The following PRKN variants were observed in gnomAD, a reference collection of about 807,000 sequenced individuals.
PRKN encodes the protein parkin RBR E3 ubiquitin protein ligase, also known as E3 ubiquitin-protein ligase parkin.
PRKN carries 56 observed loss-of-function variants against 59.5 expected under a neutral mutation model. The observed-to-expected ratio is 0.94, with a 90% CI of 0.76 to 1.18. The LOEUF (loss-of-function observed/expected upper bound fraction) is 1.18. Among genes scored for constraint, PRKN ranks in the 50% most tolerant of loss-of-function variants. The pLI, the probability that PRKN is intolerant of heterozygous loss-of-function variation, is 0.00. For synonymous variants in PRKN, 250 were observed against 222.1 expected, an observed-to-expected ratio of 1.13 and a Z score of -1.12; for missense variants, 657 against 596.4, an observed-to-expected ratio of 1.10 and a Z score of -1.06.
rs1458445342 is a variant in PRKN, at chr6:161,593,986, C to T, written c.872-24570G>A. The stretch of plus-strand genomic sequence containing the variant: ...CCAACATAGTGAAACCCCATCTCTA[C>T]TAAAAAAAAAAAACAAAAAACAAAA... On this transcript the variant is annotated intron_variant, in intron 7 of 11. Coordinates refer to ENST00000366898, the MANE Select transcript of PRKN (RefSeq NM_004562.3). This position sits in a 1 kb window ranked among gnomAD's most constrained non-coding sequence, Gnocchi z 4.8. Among the ~76,000 whole-genome samples the T allele has an allele frequency of 1.4e-5, 2 of 147,502 alleles. No individual in the cohort carries two copies. Among genetic ancestry groups the T allele is most frequent in the South Asian group, 4.2e-4 (2 of 4,716 alleles).
At chr6:162,404,368 AG>A (rs200616215) in intron 2 of PRKN, among the ~76,000 whole-genome samples, 20 of 122,296 alleles carry the variant, frequency 1.6e-4, no homozygotes, top group South Asian at 1.4e-3. Flanking sequence ...AGACTCTGTC[AG>A]AAAAAAAAAA....
intron 1 of PRKN, among the ~76,000 whole-genome samples, chr6:162,720,037 A>G (rs1460815381): frequency 1.3e-5 from 2 of 152,136 alleles, no homozygotes; most frequent in Admixed American, 1.3e-4. Context: ...TGGAAAATGG[A>G]TCTACTCTGC....
At chr6:162,712,808 A>C (rs1473477243) in intron 1 of PRKN, among the ~76,000 whole-genome samples, 1 of 152,216 alleles carries the variant, frequency 6.6e-6, no homozygotes, top group Non-Finnish European at 1.5e-5. Context: ...ATTTCATGGA[A>C]GCAAGAGAAA....
intron 1 of PRKN, among the ~76,000 whole-genome samples, chr6:162,647,334 C>CA (rs1778225446): frequency 1.3e-5 from 2 of 151,398 alleles, no homozygotes; most frequent in South Asian, 4.2e-4. Context: ...TGAGAACAAA[C>CA]AATCTGTTTT....
intron 1 of PRKN, among the ~76,000 whole-genome samples, chr6:162,643,140 G>A (rs894733290): frequency 1.3e-5 from 2 of 152,152 alleles, no homozygotes; most frequent in African/African-American, 2.4e-5. Flanking sequence ...GCTGGCGCCT[G>A]TAATCCCAGC....
intron 1 of PRKN, among the ~76,000 whole-genome samples, chr6:162,563,424 C>G (rs995235271): frequency 6.6e-6 from 1 of 152,188 alleles, no homozygotes; most frequent in African/African-American, 2.4e-5. Flanking sequence ...CAAAGCAGCA[C>G]CTCTATGAGT....
At chr6:161,443,264 T>G (rs1364129534) in intron 9 of PRKN, among the ~76,000 whole-genome samples, 7 of 148,690 alleles carry the variant, frequency 4.7e-5, no homozygotes, top group Admixed American at 1.3e-4. Flanking sequence ...GAGCCAAGAT[T>G]ATACCACTGC....
chr6:161,908,086 A>C (rs1778214696), intron 6 of PRKN, among the ~76,000 whole-genome samples: 1 of 147,724 alleles, frequency 6.8e-6, no homozygotes, highest in South Asian at 2.3e-4. Context: ...TCAAACTAAC[A>C]ACAACGACAA....
At chr6:162,322,426 C>A (rs1431806750) in intron 2 of PRKN, among the ~76,000 whole-genome samples, 1 of 152,056 alleles carries the variant, frequency 6.6e-6, no homozygotes, top group Admixed American at 6.6e-5. Flanking sequence ...GTGATAGAAA[C>A]TGACAAGCTA....
chr6:161,893,751 C>A (rs1481602734), intron 6 of PRKN, among the ~76,000 whole-genome samples: 1 of 152,168 alleles, frequency 6.6e-6, no homozygotes, highest in African/African-American at 2.4e-5. Context: ...CAGTCCCAGC[C>A]ACAAAGTGAG....
intron 1 of PRKN, among the ~76,000 whole-genome samples, chr6:162,483,002 G>A (rs149467552): frequency 6.6e-6 from 1 of 152,208 alleles, no homozygotes; most frequent in East Asian, 1.9e-4. Context: ...AAGACATTAA[G>A]ACCCAGAAAT....
intron 10 of PRKN, among the ~76,000 whole-genome samples, chr6:161,370,609 AAAG>A (rs1785406159): frequency 2.0e-5 from 3 of 150,906 alleles, no homozygotes; most frequent in Admixed American, 2.0e-4. Context: ...AAAAAAAAAA[AAAG>A]CCGAATTAGC....
chr6:161,397,541 C>T lies in PRKN; in HGVS notation c.1084-10664G>A, dbSNP rs909178309. Among the ~76,000 whole-genome samples the T allele has an allele frequency of 6.6e-6, 1 of 152,208 alleles. No individual in the cohort carries two copies. Among genetic ancestry groups the T allele is most frequent in the African/African-American group, 2.4e-5 (1 of 41,444 alleles). The stretch of plus-strand genomic sequence containing the variant: ...ACTTCTCAAAATCTATTCCACCCTT[C>T]CCAACTCCTCTTTTAAGATGCACTT... On this transcript the variant is annotated intron_variant, in intron 9 of 11. Transcript: ENST00000366898. The surrounding 1 kb of genome is among the most constrained non-coding windows in gnomAD (Gnocchi z 4.2).
chr6:162,531,056 C>CTAAA (rs1778491536), intron 1 of PRKN, among the ~76,000 whole-genome samples: 1 of 50,738 alleles, frequency 2.0e-5, no homozygotes, highest in African/African-American at 4.7e-5. Context: ...GACTCCATCT[C>CTAAA]CAAAAAAAAA....
intron 6 of PRKN, among the ~76,000 whole-genome samples, chr6:161,908,370 T>C (rs1355633445): frequency 1.3e-5 from 2 of 152,114 alleles, no homozygotes; most frequent in African/African-American, 4.8e-5. Flanking sequence ...GTATGTTCCT[T>C]CTCCTCTCCT....
intron 7 of PRKN, among the ~76,000 whole-genome samples, chr6:161,603,860 G>C (rs1782187085): frequency 6.6e-6 from 1 of 152,194 alleles, no homozygotes; most frequent in Non-Finnish European, 1.5e-5. Context: ...GGAAATCCAA[G>C]AGAAGGAGGA....
chr6:161,873,393 A>G (rs2128227088), intron 6 of PRKN, among the ~76,000 whole-genome samples: 1 of 152,122 alleles, frequency 6.6e-6, no homozygotes. Flanking sequence ...CATGAAATAT[A>G]CACAGTCACG....
rs534169745 is a variant in PRKN at position 161,830,969 on chromosome 6, G to A, written c.735-45061C>T. Among the ~76,000 whole-genome samples, 358 of 152,198 alleles carry A rather than the reference G, an allele frequency of 2.4e-3. 2 individuals are homozygous for A. Among genetic ancestry groups the A allele is most frequent in the Non-Finnish European group, 3.6e-3 (247 of 68,004 alleles). ...CTCCCCAACCACAGCAAGGGACCAG[G>A]TCATCAAAAACACAGGCTGGCCAAG... On this transcript the variant is annotated intron_variant, in intron 6 of 11. Transcript: ENST00000366898.
chr6:161,849,283 T>C (rs1304420806), intron 6 of PRKN, among the ~76,000 whole-genome samples: 1 of 152,168 alleles, frequency 6.6e-6, no homozygotes, highest in Non-Finnish European at 1.5e-5. Context: ...CATGGTTTTG[T>C]TGTACCTGCC....
Sources: allele counts gnomAD v4.1 joint callset (sites outside exome capture counted in the v4.1 genomes callset), GRCh38; gene constraint gnomAD v4.1.1; non-coding constraint Gnocchi (gnomAD v3.1); transcripts MANE v1.5; gene names NCBI Gene and HGNC (gene_info 2026-07-23, HGNC 2026-07-21).